The following MAST4 variants were observed in gnomAD, a reference collection of about 807,000 sequenced individuals.
The protein encoded by MAST4 is microtubule-associated serine/threonine-protein kinase 4.
MAST4 carries 89 observed loss-of-function variants against 162.7 expected under a neutral mutation model. The observed-to-expected ratio is 0.55, with a 90% CI of 0.46 to 0.65. The LOEUF is 0.65. MAST4 is among the 30% of genes least tolerant of loss of function. The pLI is 0.00. For missense variants in MAST4, 3,153 were observed against 3,374.0 expected, an observed-to-expected ratio of 0.93 and a Z score of 1.62; for synonymous variants, 1,479 against 1,361.1, an observed-to-expected ratio of 1.09 and a Z score of -1.91.
intron 1 of MAST4, among the ~76,000 whole-genome samples, chr5:66,638,990 A>G (rs566069379): frequency 2.0e-5 from 3 of 152,288 alleles, no homozygotes; most frequent in South Asian, 4.1e-4. Flanking sequence ...ATCACTAAGT[A>G]CCAAAGTTTA....
intron 1 of MAST4, among the ~76,000 whole-genome samples, chr5:66,746,366 C>A (rs1476952233): frequency 6.6e-6 from 1 of 152,174 alleles, no homozygotes; most frequent in Non-Finnish European, 1.5e-5. Context: ...CTTTCTGGAA[C>A]ACAGTCGAAC....
At chr5:67,064,281 C>T (rs1446205785) in intron 5 of MAST4, among the ~76,000 whole-genome samples, 1 of 152,110 alleles carries the variant, frequency 6.6e-6, no homozygotes, top group East Asian at 1.9e-4. Context: ...GTGGAGAATG[C>T]AGTGCCATAG....
At chr5:66,958,153 GAGAGAGAGAA>G (rs1005169745) in intron 4 of MAST4, among the ~76,000 whole-genome samples, 15 of 152,224 alleles carry the variant, frequency 9.9e-5, no homozygotes, top group East Asian at 1.9e-4. Flanking sequence ...AAGAGAAAGA[GAGAGAGAGAA>G]AGAGAGAGAA....
intron 4 of MAST4, among the ~76,000 whole-genome samples, chr5:66,979,709 C>T (rs571991220): frequency 8.5e-4 from 130 of 152,334 alleles, no homozygotes; most frequent in African/African-American, 2.9e-3. Context: ...ACACTCCAGA[C>T]ACACTCCAGA....
At chr5:67,161,048 C>G (rs150018116) in intron 27 of MAST4, among the ~76,000 whole-genome samples, 3 of 152,268 alleles carry the variant, frequency 2.0e-5, no homozygotes, top group African/African-American at 7.2e-5. Flanking sequence ...AATAAAAGGG[C>G]TTTGTTTTAC....
At chr5:66,826,107 T>C (rs867379713) in intron 3 of MAST4, among the ~76,000 whole-genome samples, 2 of 152,192 alleles carry the variant, frequency 1.3e-5, no homozygotes, top group African/African-American at 4.8e-5. Flanking sequence ...TAAGCCATTA[T>C]TGCTTGATGT....
chr5:66,791,712 C>T (rs921113173), intron 3 of MAST4, among the ~76,000 whole-genome samples: 2 of 152,054 alleles, frequency 1.3e-5, no homozygotes, highest in African/African-American at 4.8e-5. Context: ...GCACAGAAGC[C>T]AGAATGTGAT....
chr5:67,059,093 A>G (rs1463484768), intron 5 of MAST4, among the ~76,000 whole-genome samples: 1 of 152,182 alleles, frequency 6.6e-6, no homozygotes, highest in Non-Finnish European at 1.5e-5. Flanking sequence ...AAGCCCATGC[A>G]GTTGTGGACA....
At chr5:66,992,797 G>A (rs555493156) in intron 4 of MAST4, among the ~76,000 whole-genome samples, 83 of 152,268 alleles carry the variant, frequency 5.5e-4, no homozygotes, top group Admixed American at 2.2e-3. Context: ...TAAGTGCGAC[G>A]GAAGGTTTCA....
At chr5:66,788,569 A>C in intron 2 of MAST4, 101 bp from the exon 3 acceptor site, 4 of 1,355,656 alleles carry the variant, frequency 3.0e-6, no homozygotes, top group African/African-American at 1.5e-5. Context: ...GTAATACAGA[A>C]CAAGGTTGGC....
intron 21 of MAST4, 183 bp downstream of exon 21, chr5:67,142,716 CTTTAGA>C: frequency 2.0e-6 from 1 of 497,342 alleles, no homozygotes; most frequent in Non-Finnish European, 3.6e-6. Flanking sequence ...TCCCCTAGGC[CTTTAGA>C]CTGCCATTTT....
At chr5:66,900,739 A>G (rs1488980212) in intron 4 of MAST4, among the ~76,000 whole-genome samples, 1 of 152,128 alleles carries the variant, frequency 6.6e-6, no homozygotes, top group Non-Finnish European at 1.5e-5. Context: ...AGTATTTAAG[A>G]TAAGTTTTTG....
rs377526628 is a variant in MAST4, at chr5:67,166,995, C to A, written c.7816C>A (p.Arg2606=). ...TTCTAATGAGAAGGACTTTGTGGTA[C>A]GGCAGAGGCGGGGGAAAGAGAGTTT... ...SLSNEKDFVV[R]QRRGKESLRS... Residue 2606 remains arginine, a synonymous_variant, in exon 29 of 29, where the codon CGG becomes AGG. Transcript: ENST00000403625. 3.1e-6 allele frequency: 5 copies of A among 1,608,828 alleles called. No homozygotes were observed. The highest frequency in any genetic ancestry group is 4.2e-6 in the Non-Finnish European group (5 of 1,178,296).
At chr5:67,131,410 G>A (rs1243820144) in intron 15 of MAST4, among the ~76,000 whole-genome samples, 1 of 152,128 alleles carries the variant, frequency 6.6e-6, no homozygotes, top group Non-Finnish European at 1.5e-5. Context: ...CGTATTACAG[G>A]TGAAGGAACC....
chr5:67,096,319 G>A (rs78895119), intron 7 of MAST4, among the ~76,000 whole-genome samples: 2 of 152,178 alleles, frequency 1.3e-5, no homozygotes, highest in African/African-American at 4.8e-5. Context: ...TAGGTTAGAT[G>A]TATGTTTTTT....
chr5:66,889,555 G>C (rs185769560), intron 3 of MAST4, among the ~76,000 whole-genome samples: 3 of 152,122 alleles, frequency 2.0e-5, no homozygotes, highest in Non-Finnish European at 4.4e-5. Flanking sequence ...AATTTGCTTC[G>C]AATTTTCAAA....
At chr5:67,111,982 A>C (rs1766297214) in intron 11 of MAST4, among the ~76,000 whole-genome samples, 1 of 151,818 alleles carries the variant, frequency 6.6e-6, no homozygotes, top group South Asian at 2.1e-4. Flanking sequence ...CAGTCATTGT[A>C]GTAGGTATGT....
chr5:67,109,285 CTT>C (rs1349353371), intron 10 of MAST4, among the ~76,000 whole-genome samples: 1 of 152,002 alleles, frequency 6.6e-6, no homozygotes, highest in Non-Finnish European at 1.5e-5. Context: ...GAATATGAAA[CTT>C]TTAAAGCACC....
At position 66,627,598 on chromosome 5, in the gene MAST4, A is replaced by G. The variant is rs149143667; in HGVS notation, c.363+30580A>G. 1.3e-3 allele frequency among the ~76,000 whole-genome samples: 202 copies of G among 152,272 alleles called. 2 individuals carry two copies. In the East Asian group the frequency reaches 0.032, roughly 24 times the overall value. ...GGCTGCAAATAATTAAACTCAGCAT[A>G]TACAATTTGGGCATCTGTGACCTGC... On this transcript the variant is annotated intron_variant, in intron 1 of 28. Transcript: ENST00000403625.
Sources: gnomAD v4.1 joint callset for allele counts (sites outside exome capture counted in the v4.1 genomes callset) on GRCh38, gnomAD v4.1.1 for gene constraint, MANE v1.5 for transcripts, NCBI Gene and HGNC (gene_info 2026-07-23, HGNC 2026-07-21) for gene names.